GPC6: variants seen among roughly 807,000 people sequenced by gnomAD.
The protein encoded by GPC6 is glypican-6.
A neutral mutation model predicts 55.2 loss-of-function variants in GPC6; 14 were observed. The ratio of observed to expected loss-of-function variants is 0.25; its 90% CI spans 0.17 to 0.40. The LOEUF is 0.40. Ranked by LOEUF, GPC6 falls within the 10% of genes least tolerant of loss-of-function variation. The probability of loss-of-function intolerance (pLI) is 1.00; values close to 1 mark genes in which losing one functional copy is unlikely to be tolerated. For synonymous variants in GPC6, 278 were observed against 259.6 expected, an observed-to-expected ratio of 1.07 and a Z score of -0.68; for missense variants, 641 against 708.5, an observed-to-expected ratio of 0.90 and a Z score of 1.08.
chr13:93,916,020 C>G (rs1187511691), intron 3 of GPC6, among the ~76,000 whole-genome samples: 1 of 152,024 alleles, frequency 6.6e-6, no homozygotes, highest in Non-Finnish European at 1.5e-5. Flanking sequence ...GTGGACCTCT[C>G]CAGGAAGTGT....
rs543845697 is a variant in GPC6 at position 93,956,276 on chromosome 13, C to T, written c.712-71453C>T. Among the ~76,000 whole-genome samples, 6 of 152,176 alleles carry T rather than the reference C, an allele frequency of 3.9e-5. No homozygotes were observed. The East Asian group carries it at 7.7e-4, about 20-fold the overall frequency. On this transcript the variant is annotated intron_variant, in intron 3 of 8. Coordinates refer to ENST00000377047, the MANE Select transcript of GPC6 (RefSeq NM_005708.5). ...AATTCTGCAAGCAAGGTACATAGTACATAATACATAATACTTAATGATTAT... is the reference window on the plus strand; with the variant it reads ...AATTCTGCAAGCAAGGTACATAGTATATAATACATAATACTTAATGATTAT...
chr13:93,966,345 G>T (rs1880041847), intron 3 of GPC6, among the ~76,000 whole-genome samples: 1 of 152,178 alleles, frequency 6.6e-6, no homozygotes, highest in Non-Finnish European at 1.5e-5. Context: ...CAATATAAAA[G>T]AGTGAGCCAA....
At chr13:93,414,405 G>A (rs1474592742) in intron 1 of GPC6, among the ~76,000 whole-genome samples, 1 of 151,986 alleles carries the variant, frequency 6.6e-6, no homozygotes, top group Non-Finnish European at 1.5e-5. Context: ...ACTTTTCATT[G>A]TAAATGTTTG....
intron 1 of GPC6, among the ~76,000 whole-genome samples, chr13:93,297,882 C>A (rs1443790008): frequency 6.6e-6 from 1 of 152,074 alleles, no homozygotes; most frequent in Non-Finnish European, 1.5e-5. Context: ...TGGGGAGAGC[C>A]TTCATGGGGA....
chr13:93,363,751 A>C (rs1175842906), intron 1 of GPC6, among the ~76,000 whole-genome samples: 3 of 150,776 alleles, frequency 2.0e-5, no homozygotes, highest in Non-Finnish European at 4.4e-5. Context: ...AGTCCCACCA[A>C]CAGTGTAAAA....
At chr13:93,772,338 A>G (rs61962140) in intron 2 of GPC6, among the ~76,000 whole-genome samples, 32,083 of 151,890 alleles carry the variant, frequency 0.21, 3,837 homozygotes, top group Non-Finnish European at 0.27. Context: ...AAATTGAACA[A>G]TAGACCTAAG....
At chr13:93,901,777 T>TG (rs1876367488) in intron 3 of GPC6, among the ~76,000 whole-genome samples, 1 of 151,768 alleles carries the variant, frequency 6.6e-6, no homozygotes, top group Admixed American at 6.6e-5. Flanking sequence ...AGTGCGTGCC[T>TG]TTAATCCCAG....
chr13:93,939,536 G>A (rs544702568), intron 3 of GPC6, among the ~76,000 whole-genome samples: 1 of 151,878 alleles, frequency 6.6e-6, no homozygotes, highest in Non-Finnish European at 1.5e-5. Flanking sequence ...TCAAAGAAAG[G>A]CTTAGAGTTA....
chr13:93,527,443 C>T (rs1426525522), intron 1 of GPC6, among the ~76,000 whole-genome samples: 1 of 152,070 alleles, frequency 6.6e-6, no homozygotes, highest in Non-Finnish European at 1.5e-5. Context: ...GTTTCTCCCT[C>T]TTCAGAGACT....
In GPC6 at chr13:94,351,979, A is replaced by AAG. The variant is rs56770518; in HGVS notation, c.1153-30434_1153-30433insGA. Reference sequence around the variant, plus strand: ...GAAGAAGGCAAAAAAAAAAAAAAAAAAAAGAAAAAGAAAAAAAATAAAAGA... The same window carrying AAG: ...GAAGAAGGCAAAAAAAAAAAAAAAAAAGAAAGAAAAAGAAAAAAAATAAAAGA... On this transcript the variant is annotated intron_variant, in intron 6 of 8. Transcript: ENST00000377047. Among the ~76,000 whole-genome samples, 1,277 of 142,882 alleles carry AAG rather than the reference A, an allele frequency of 8.9e-3. 35 individuals carry two copies. The highest frequency in any genetic ancestry group is 0.032 in the African/African-American group (1,187 of 37,242). 93.7% of individuals were successfully genotyped at this position (142,882 alleles called of 152,430 possible).
chr13:93,709,203 G>A (rs1882961605), intron 2 of GPC6, among the ~76,000 whole-genome samples: 1 of 151,780 alleles, frequency 6.6e-6, no homozygotes, highest in South Asian at 2.1e-4. Flanking sequence ...AATCTAGCCT[G>A]CCTTTCTTCC....
intron 1 of GPC6, among the ~76,000 whole-genome samples, chr13:93,405,808 A>G (rs1192929447): frequency 6.6e-6 from 1 of 152,184 alleles, no homozygotes; most frequent in Non-Finnish European, 1.5e-5. Context: ...GCCTTTTGAA[A>G]CATCACACAT....
At position 93,914,717 on chromosome 13, in the gene GPC6, A is replaced by G. The variant is rs544697645; in HGVS notation, c.711+84172A>G. ...ACAGCAGGAAGAGTAGAGTTGGCCA[A>G]GAGAGGAGGAAATAAATGGGATGTA... On this transcript the variant is annotated intron_variant, in intron 3 of 8. Coordinates refer to ENST00000377047, the MANE Select transcript of GPC6 (RefSeq NM_005708.5). Among the ~76,000 whole-genome samples, 7 of 152,336 alleles carry G rather than the reference A, an allele frequency of 4.6e-5. 1 individual carries two copies. The highest frequency in any genetic ancestry group is 1.7e-4 in the African/African-American group (7 of 41,584).
At chr13:93,228,705 CT>C (rs1594040017) in intron 1 of GPC6, among the ~76,000 whole-genome samples, 1 of 152,322 alleles carries the variant, frequency 6.6e-6, no homozygotes, top group East Asian at 1.9e-4. Context: ...AGGGCGCGGG[CT>C]GCTCAAACCG....
chr13:93,724,817 A>G (rs1161822738), intron 2 of GPC6, among the ~76,000 whole-genome samples: 1 of 152,010 alleles, frequency 6.6e-6, no homozygotes, highest in Non-Finnish European at 1.5e-5. Context: ...TGCACAATTT[A>G]TCTTGATTTC....
At chr13:93,441,326 T>C (rs1877790076) in intron 1 of GPC6, among the ~76,000 whole-genome samples, 2 of 151,232 alleles carry the variant, frequency 1.3e-5, no homozygotes, top group Non-Finnish European at 2.9e-5. Flanking sequence ...GTAGAAGTGT[T>C]CCTATTTTTC....
At chr13:93,304,514 A>C (rs1878790731) in intron 1 of GPC6, among the ~76,000 whole-genome samples, 1 of 152,190 alleles carries the variant, frequency 6.6e-6, no homozygotes, top group Admixed American at 6.5e-5. Context: ...TGATTCAAAG[A>C]GTCTGTGGCT....
chr13:93,476,481 G>C (rs150546072), intron 1 of GPC6, among the ~76,000 whole-genome samples: 7 of 152,152 alleles, frequency 4.6e-5, no homozygotes, highest in African/African-American at 1.7e-4. Context: ...ATCCAACTGC[G>C]GGGTTCTGCA....
intron 2 of GPC6, among the ~76,000 whole-genome samples, chr13:93,606,666 G>C (rs928807873): frequency 6.6e-6 from 1 of 152,124 alleles, no homozygotes; most frequent in Non-Finnish European, 1.5e-5. Context: ...AATACAAAAT[G>C]ATAATTCAAT....
Sources: gnomAD v4.1 joint callset for allele counts (sites outside exome capture counted in the v4.1 genomes callset) on GRCh38, gnomAD v4.1.1 for gene constraint, MANE v1.5 for transcripts, NCBI Gene and HGNC (gene_info 2026-07-23, HGNC 2026-07-21) for gene names.